Variants in CAMK1D observed in about 807,000 individuals in gnomAD.
CAMK1D encodes calcium/calmodulin-dependent protein kinase type 1D.
CAMK1D carries 9 observed loss-of-function variants against 47.7 expected under a neutral mutation model. The ratio of observed to expected loss-of-function variants is 0.19; its 90% CI spans 0.11 to 0.33. The LOEUF (loss-of-function observed/expected upper bound fraction) is 0.33. Ranked by LOEUF, CAMK1D falls within the 10% of genes least tolerant of loss-of-function variation. The pLI, the probability that CAMK1D is intolerant of heterozygous loss-of-function variation, is 1.00. For synonymous variants in CAMK1D, 184 were observed against 184.9 expected (o/e 0.99, Z 0.04); for missense variants, 291 against 488.7 (o/e 0.60, Z 3.81).
intron 1 of CAMK1D, among the ~76,000 whole-genome samples, chr10:12,532,983 G>T (rs1309734339): frequency 2.6e-5 from 4 of 151,222 alleles, no homozygotes; most frequent in Non-Finnish European, 5.9e-5. Flanking sequence ...AGTGGGGATG[G>T]TTAATTGGTA....
chr10:12,537,602 A>G (rs1467572136), intron 1 of CAMK1D, among the ~76,000 whole-genome samples: 3 of 152,092 alleles, frequency 2.0e-5, no homozygotes, highest in Admixed American at 6.6e-5. Flanking sequence ...CATTCTGTGA[A>G]TTGTATGTCT....
At chr10:12,609,960 T>C (rs868861878) in intron 2 of CAMK1D, among the ~76,000 whole-genome samples, 3 of 152,008 alleles carry the variant, frequency 2.0e-5, no homozygotes, top group Admixed American at 6.6e-5. Context: ...GACAGTGAAG[T>C]CATTTGTGCT....
chr10:12,564,284 T>C (rs925997212), intron 2 of CAMK1D, among the ~76,000 whole-genome samples: 5 of 152,056 alleles, frequency 3.3e-5, no homozygotes, highest in Admixed American at 1.3e-4. Context: ...ATGGCAGATA[T>C]AGAAAAAGAA....
At chr10:12,689,500 G>A (rs1471419623) in intron 3 of CAMK1D, among the ~76,000 whole-genome samples, 1 of 152,098 alleles carries the variant, frequency 6.6e-6, no homozygotes, top group Non-Finnish European at 1.5e-5. Context: ...TGAACTTGCC[G>A]GGCGTGGTGG....
At chr10:12,394,111 T>C (rs556032221) in intron 1 of CAMK1D, among the ~76,000 whole-genome samples, 1 of 152,292 alleles carries the variant, frequency 6.6e-6, no homozygotes, top group South Asian at 2.1e-4. Flanking sequence ...ACACGTTTGA[T>C]CGTTTGCGAT....
intron 1 of CAMK1D, among the ~76,000 whole-genome samples, chr10:12,509,545 A>G (rs1192661472): frequency 6.6e-6 from 1 of 152,184 alleles, no homozygotes; most frequent in Non-Finnish European, 1.5e-5. Context: ...CCAGGAGTTC[A>G]AGACCAGCCT....
At chr10:12,682,886 T>C (rs186759254) in intron 3 of CAMK1D, among the ~76,000 whole-genome samples, 333 of 152,136 alleles carry the variant, frequency 2.2e-3, no homozygotes, top group Non-Finnish European at 3.7e-3. Flanking sequence ...TATTTTAATC[T>C]TTGGAAAATT....
chr10:12,419,580 G>A (rs1839976612), intron 1 of CAMK1D, among the ~76,000 whole-genome samples: 2 of 151,650 alleles, frequency 1.3e-5, no homozygotes, highest in Admixed American at 1.3e-4. Flanking sequence ...TCCCCACCGG[G>A]CCTCAGTGGA....
At chr10:12,520,224 G>A (rs1835363297) in intron 1 of CAMK1D, among the ~76,000 whole-genome samples, 1 of 75,682 alleles carries the variant, frequency 1.3e-5, no homozygotes. Flanking sequence ...CGGGGTGGCC[G>A]GGCAGAGACG....
At chr10:12,743,376 A>G (rs1214424401) in intron 3 of CAMK1D, among the ~76,000 whole-genome samples, 1 of 149,804 alleles carries the variant, frequency 6.7e-6, no homozygotes, top group Admixed American at 6.6e-5. Context: ...AGAAAAAAAG[A>G]AAAAGGAAAA....
At chr10:12,520,710 C>T (rs1369775793) in intron 1 of CAMK1D, among the ~76,000 whole-genome samples, 2 of 42,858 alleles carry the variant, frequency 4.7e-5, no homozygotes, top group African/African-American at 9.5e-5. Context: ...GCGGATCACT[C>T]GCGGTTAGGA....
At chr10:12,667,417 CAG>C (rs1372572636) in intron 3 of CAMK1D, among the ~76,000 whole-genome samples, 1 of 152,176 alleles carries the variant, frequency 6.6e-6, no homozygotes, top group Non-Finnish European at 1.5e-5. Context: ...GGGAAGAAAT[CAG>C]AAAGCCAGAT....
chr10:12,444,015 G>T (rs1304825269), intron 1 of CAMK1D, among the ~76,000 whole-genome samples: 1 of 152,172 alleles, frequency 6.6e-6, no homozygotes, highest in South Asian at 2.1e-4. Context: ...GACCATATAG[G>T]GTAACTTCCT....
At chr10:12,708,844 A>G (rs948557576) in intron 3 of CAMK1D, among the ~76,000 whole-genome samples, 2 of 152,022 alleles carry the variant, frequency 1.3e-5, no homozygotes, top group East Asian at 2.0e-4. Flanking sequence ...CAATGATCCC[A>G]TTAGGCCAGG....
chr10:12,683,755 TGTGTGTG>T (rs1832543114), intron 3 of CAMK1D, among the ~76,000 whole-genome samples: 1 of 150,676 alleles, frequency 6.6e-6, no homozygotes, highest in African/African-American at 2.4e-5. Flanking sequence ...TGTGTGTGTG[TGTGTGTG>T]TGTGTGTGTG....
chr10:12,567,348 G>A (rs1455784313), intron 2 of CAMK1D, among the ~76,000 whole-genome samples: 1 of 152,110 alleles, frequency 6.6e-6, no homozygotes, highest in Non-Finnish European at 1.5e-5. Flanking sequence ...GCTTTCCCAC[G>A]TACCATGATG....
intron 3 of CAMK1D, among the ~76,000 whole-genome samples, chr10:12,694,147 T>A (rs111218151): frequency 1.3e-4 from 1 of 7,868 alleles, no homozygotes; most frequent in Non-Finnish European, 2.4e-4. Context: ...TATAATATAA[T>A]ATATAATATA....
intron 3 of CAMK1D, among the ~76,000 whole-genome samples, chr10:12,700,432 G>T (rs1833469136): frequency 6.6e-6 from 1 of 152,028 alleles, no homozygotes; most frequent in African/African-American, 2.4e-5. Flanking sequence ...CAGCAGCATG[G>T]GGGTAACCGC....
intron 2 of CAMK1D, among the ~76,000 whole-genome samples, chr10:12,590,155 C>T (rs527726736): frequency 3.3e-4 from 51 of 152,280 alleles, no homozygotes; most frequent in African/African-American, 1.2e-3. Context: ...TTTCTTGCTG[C>T]GGAGTTAATG....
Sources: allele counts gnomAD v4.1 joint callset (sites outside exome capture counted in the v4.1 genomes callset), GRCh38; gene constraint gnomAD v4.1.1; transcripts MANE v1.5; gene names NCBI Gene and HGNC (gene_info 2026-07-23, HGNC 2026-07-21).